AGMO: variants seen among roughly 807,000 people sequenced by gnomAD.
AGMO encodes glyceryl-ether monooxygenase.
Under a neutral mutation model 60.2 loss-of-function variants are expected in AGMO, and 75 were observed. The ratio of observed to expected loss-of-function variants is 1.25; its 90% CI spans 1.03 to 1.51. The LOEUF is 1.51. Ranked by LOEUF, AGMO falls within the 40% of genes most tolerant of loss-of-function variation. AGMO has a pLI of 0.00. For missense variants in AGMO, 763 were observed against 525.5 expected (o/e 1.45, Z -4.42); for synonymous variants, 261 against 177.1 (o/e 1.47, Z -3.76).
intron 5 of AGMO, among the ~76,000 whole-genome samples, chr7:15,404,033 G>C (rs1784624168): frequency 6.6e-6 from 1 of 151,864 alleles, no homozygotes; most frequent in African/African-American, 2.4e-5. Context: ...ATGTAATATG[G>C]AGGTAGCTGA....
chr7:15,353,939 T>C (rs1002228354), intron 12 of AGMO, among the ~76,000 whole-genome samples: 1 of 152,146 alleles, frequency 6.6e-6, no homozygotes, highest in Non-Finnish European at 1.5e-5. Flanking sequence ...GTGGATTCAG[T>C]ATTTTAAAAA....
At chr7:15,316,324 G>A (rs1780923469) in intron 12 of AGMO, among the ~76,000 whole-genome samples, 1 of 152,106 alleles carries the variant, frequency 6.6e-6, no homozygotes, top group Non-Finnish European at 1.5e-5. Context: ...AGGGCAATTG[G>A]CTTACATGCA....
the AGMO span, among the ~76,000 whole-genome samples, chr7:15,118,838 A>G: frequency 7.1e-6 from 1 of 141,026 alleles, no homozygotes; most frequent in Middle Eastern, 4.0e-3. Context: ...CTCTCACCCC[A>G]GATATTTCAG....
intron 3 of AGMO, among the ~76,000 whole-genome samples, chr7:15,450,951 C>T (rs1426706606): frequency 6.6e-6 from 1 of 152,044 alleles, no homozygotes; most frequent in Non-Finnish European, 1.5e-5. Flanking sequence ...AAAGAAAAAA[C>T]TTCAATAGAT....
At chr7:15,294,220 AT>A (rs374271790) in intron 12 of AGMO, among the ~76,000 whole-genome samples, 3 of 151,918 alleles carry the variant, frequency 2.0e-5, no homozygotes, top group East Asian at 1.9e-4. Flanking sequence ...TTAAGATATT[AT>A]TTTTTTCTAA....
chr7:15,438,281 T>C (rs1317498342), intron 3 of AGMO, among the ~76,000 whole-genome samples: 1 of 151,774 alleles, frequency 6.6e-6, no homozygotes, highest in Non-Finnish European at 1.5e-5. Flanking sequence ...ATATTAGTGA[T>C]TATAAACACA....
intron 3 of AGMO, among the ~76,000 whole-genome samples, chr7:15,543,449 G>A (rs923718916): frequency 8.5e-5 from 13 of 152,166 alleles, no homozygotes; most frequent in African/African-American, 3.1e-4. Context: ...GGCTTTTGCA[G>A]ATGAGACATT....
chr7:15,160,634 T>A, the AGMO span, among the ~76,000 whole-genome samples: 1 of 152,124 alleles, frequency 6.6e-6, no homozygotes, highest in African/African-American at 2.4e-5. Context: ...AAATTCCATA[T>A]GGAAAGGAAC....
intron 3 of AGMO, among the ~76,000 whole-genome samples, chr7:15,532,492 T>A (rs183442016): frequency 6.6e-6 from 1 of 152,198 alleles, no homozygotes. Flanking sequence ...GAAACATATA[T>A]GAGAATCCCT....
At chr7:15,475,690 A>T (rs1426404560) in intron 3 of AGMO, among the ~76,000 whole-genome samples, 8 of 151,592 alleles carry the variant, frequency 5.3e-5, no homozygotes, top group East Asian at 1.9e-4. Flanking sequence ...GTATAATTTT[A>T]AAAAAAAAGA....
chr7:15,407,251 G>T (rs377341712), intron 5 of AGMO, among the ~76,000 whole-genome samples: 1 of 79,352 alleles, frequency 1.3e-5, no homozygotes, highest in South Asian at 4.5e-4. Flanking sequence ...ATATATATAT[G>T]TATATACTTA....
intron 12 of AGMO, among the ~76,000 whole-genome samples, chr7:15,248,202 AT>A (rs1563053809): frequency 1.1e-5 from 1 of 93,072 alleles, no homozygotes; most frequent in African/African-American, 4.0e-5. Flanking sequence ...ATATATATAT[AT>A]ATATATATAT....
the AGMO span, among the ~76,000 whole-genome samples, chr7:15,118,499 A>G: frequency 1.3e-5 from 2 of 152,128 alleles, no homozygotes; most frequent in African/African-American, 4.8e-5. Flanking sequence ...CACTTGGTCT[A>G]TCACAGTTTC....
intron 12 of AGMO, among the ~76,000 whole-genome samples, chr7:15,349,232 T>G (rs1017422950): frequency 6.6e-6 from 1 of 152,170 alleles, no homozygotes; most frequent in Non-Finnish European, 1.5e-5. Context: ...TAAAGATAAC[T>G]GGCTTTGGTA....
chr7:15,244,890 G>T (rs1389839854), intron 12 of AGMO, among the ~76,000 whole-genome samples: 1 of 152,138 alleles, frequency 6.6e-6, no homozygotes, highest in African/African-American at 2.4e-5. Context: ...CTGACTTTGT[G>T]ATCTGCCTGC....
intron 10 of AGMO, among the ~76,000 whole-genome samples, chr7:15,381,374 G>C (rs929220413): frequency 6.6e-6 from 1 of 151,026 alleles, no homozygotes; most frequent in Non-Finnish European, 1.5e-5. Context: ...CGAAGAACAC[G>C]AACCTTTCAA....
At chr7:15,243,518 T>C (rs1360851103) in intron 12 of AGMO, among the ~76,000 whole-genome samples, 1 of 152,188 alleles carries the variant, frequency 6.6e-6, no homozygotes, top group Non-Finnish European at 1.5e-5. Flanking sequence ...CTATGGATAA[T>C]GTAAACGTCA....
At chr7:15,146,723 G>A in the AGMO span, among the ~76,000 whole-genome samples, 2 of 152,100 alleles carry the variant, frequency 1.3e-5, no homozygotes, top group African/African-American at 4.8e-5. Context: ...TTTCTTTTTG[G>A]AGGACAAATG....
the AGMO span, among the ~76,000 whole-genome samples, chr7:15,158,130 A>G: frequency 6.6e-6 from 1 of 152,318 alleles, no homozygotes; most frequent in African/African-American, 2.4e-5. Flanking sequence ...TCAGATTTCA[A>G]AAGAAATTAG....
Sources: gnomAD v4.1 joint callset for allele counts (sites outside exome capture counted in the v4.1 genomes callset) on GRCh38, gnomAD v4.1.1 for gene constraint, MANE v1.5 for transcripts, NCBI Gene and HGNC (gene_info 2026-07-23, HGNC 2026-07-21) for gene names.